The following EYS variants were observed in gnomAD, a reference collection of about 807,000 sequenced individuals.
EYS encodes the protein protein eyes shut homolog.
EYS carries 250 observed loss-of-function variants against 282.1 expected under a neutral mutation model. The observed-to-expected ratio is 0.89, with a 90% CI of 0.80 to 0.98. EYS has a LOEUF of 0.98. Among genes scored for constraint, EYS ranks in the 50% least tolerant of loss-of-function variants. The pLI is 0.00. For missense variants in EYS, 4,016 were observed against 3,709.0 expected, an observed-to-expected ratio of 1.08 and a Z score of -2.15; for synonymous variants, 1,355 against 1,282.9, an observed-to-expected ratio of 1.06 and a Z score of -1.20.
intron 2 of EYS, among the ~76,000 whole-genome samples, chr6:65,609,335 C>G (rs1228708475): frequency 2.0e-5 from 1 of 49,514 alleles, no homozygotes; most frequent in Non-Finnish European, 3.9e-5. Flanking sequence ...TCCAAGATAG[C>G]CAAAAAAAAA....
At chr6:64,270,274 ATG>A (rs981095882) in intron 30 of EYS, among the ~76,000 whole-genome samples, 2 of 152,028 alleles carry the variant, frequency 1.3e-5, no homozygotes, top group African/African-American at 4.8e-5. Context: ...TGACTTTCAC[ATG>A]TGTCATCACA....
At chr6:65,209,457 G>A (rs1766118686) in intron 12 of EYS, among the ~76,000 whole-genome samples, 5 of 151,628 alleles carry the variant, frequency 3.3e-5, no homozygotes, top group African/African-American at 1.2e-4. Context: ...ACTTAATATA[G>A]AGTAATATAA....
intron 12 of EYS, among the ~76,000 whole-genome samples, chr6:65,085,073 G>C (rs1301399889): frequency 6.6e-6 from 1 of 152,144 alleles, no homozygotes; most frequent in Non-Finnish European, 1.5e-5. Flanking sequence ...GTCATTAGAT[G>C]TCTCAACTGG....
chr6:65,645,156 G>A (rs1767408990), intron 1 of EYS, among the ~76,000 whole-genome samples: 1 of 151,780 alleles, frequency 6.6e-6, no homozygotes, highest in Admixed American at 6.6e-5. Context: ...AGAAACAATG[G>A]ACTTAGACTA....
intron 35 of EYS, among the ~76,000 whole-genome samples, chr6:63,972,238 A>C (rs1313659121): frequency 6.6e-6 from 1 of 152,210 alleles, no homozygotes; most frequent in African/African-American, 2.4e-5. Context: ...GTGACATTTT[A>C]TGAATTTGTC....
chr6:65,137,984 C>A (rs1776071128), intron 12 of EYS, among the ~76,000 whole-genome samples: 1 of 151,598 alleles, frequency 6.6e-6, no homozygotes, highest in South Asian at 2.1e-4. Flanking sequence ...GATTATAATG[C>A]CTAAATAAAA....
chr6:64,181,562 A>C (rs1764788469), intron 31 of EYS, among the ~76,000 whole-genome samples: 1 of 152,098 alleles, frequency 6.6e-6, no homozygotes, highest in South Asian at 2.1e-4. Flanking sequence ...GGAGTAATGC[A>C]AATGAATCAC....
chr6:64,714,653 G>C (rs1467172518), intron 22 of EYS, among the ~76,000 whole-genome samples: 2 of 151,732 alleles, frequency 1.3e-5, no homozygotes, highest in Non-Finnish European at 2.9e-5. Flanking sequence ...AGCCTCTGGA[G>C]TAGCTGGGAC....
At chr6:64,475,195 T>C (rs1024535972) in intron 26 of EYS, among the ~76,000 whole-genome samples, 4 of 152,202 alleles carry the variant, frequency 2.6e-5, no homozygotes, top group African/African-American at 9.6e-5. Context: ...TCATACACTG[T>C]ATTTCTGCCT....
At chr6:64,943,208 A>G (rs1486283981) in intron 15 of EYS, among the ~76,000 whole-genome samples, 1 of 152,072 alleles carries the variant, frequency 6.6e-6, no homozygotes, top group Non-Finnish European at 1.5e-5. Flanking sequence ...CATATCTCAA[A>G]ATAATAAGAG....
At position 65,327,167 on chromosome 6, in the gene EYS, A is replaced by G. The variant is rs901784769; in HGVS notation, c.1766+7813T>C. 5.7e-4 allele frequency among the ~76,000 whole-genome samples: 86 copies of G among 151,752 alleles called. 1 individual carries two copies. Among genetic ancestry groups the G allele is most frequent in the African/African-American group, 2.0e-3 (84 of 41,528 alleles). ...CTTTTTATCTGGTTTAACACTTTCT[A>G]TCCTAAATTCCACCTTGATATATCA... is the stretch of plus-strand genomic sequence containing the variant. On this transcript the variant is annotated intron_variant, in intron 11 of 42. Transcript: ENST00000503581.
chr6:65,085,157 T>C (rs544198482), intron 12 of EYS, among the ~76,000 whole-genome samples: 42 of 152,100 alleles, frequency 2.8e-4, no homozygotes, highest in African/African-American at 8.2e-4. Context: ...AGGTGAAGAG[T>C]AAAACTAAGA....
rs369377698 is a variant in EYS, at chr6:64,862,344, T to C, written c.2992+24353A>G. ...GGTTTGTCTTGTCACCTCAATTATCTGGTGGACTTCAGTTGTTTTTCAGCT... is the reference window on the plus strand; with the variant it reads ...GGTTTGTCTTGTCACCTCAATTATCCGGTGGACTTCAGTTGTTTTTCAGCT... On this transcript the variant is annotated intron_variant, in intron 19 of 42. Coordinates refer to ENST00000503581, the MANE Select transcript of EYS (RefSeq NM_001142800.2). Among the ~76,000 whole-genome samples the C allele has an allele frequency of 1.7e-3, 263 of 152,358 alleles. 1 individual carries two copies. Among genetic ancestry groups the C allele is most frequent in the African/African-American group, 6.1e-3 (252 of 41,598 alleles).
chr6:64,399,737 C>T (rs1773486486), intron 28 of EYS, among the ~76,000 whole-genome samples: 1 of 151,810 alleles, frequency 6.6e-6, no homozygotes, highest in Non-Finnish European at 1.5e-5. Flanking sequence ...AAGACCCTGA[C>T]TGAAATTTTG....
At position 63,721,797 on chromosome 6, in the gene EYS, C is replaced by T; in HGVS notation, c.8234G>A (p.Gly2745Asp). The T allele has an allele frequency of 6.5e-7, 1 of 1,538,690 alleles. No homozygotes were observed. Among genetic ancestry groups the T allele is most frequent in the Non-Finnish European group, 8.8e-7 (1 of 1,140,762 alleles). ...TACTAAAGAGATGCATAAAAAATCA[C>T]CTGCAAGAAAGCAAACAGTAAGTTT... ...YAAQHLKAQS[G>D]DFLCISLVNS... The change falls in exon 43 of 43, where the codon GGT becomes GAT. Residue 2745 changes from glycine to aspartate, a missense_variant and splice_region_variant. Coordinates refer to ENST00000503581, the MANE Select transcript of EYS (RefSeq NM_001142800.2).
rs1273610175 is a variant in EYS, at chr6:64,591,960, C to T, written c.3907G>A (p.Asp1303Asn). 28 of 1,510,012 alleles carry T rather than the reference C, an allele frequency of 1.9e-5. No individual in the cohort carries two copies. The highest frequency in any genetic ancestry group is 2.8e-5 in the African/African-American group (2 of 71,552). 93.5% of individuals were successfully genotyped at this position (1,510,012 alleles called of 1,614,324 possible). A position where few individuals can be genotyped will look rare whatever the true frequency, so the allele number is the denominator to read the frequency against. The change falls in exon 26 of 43, where the codon GAC becomes AAC. Residue 1303 changes from aspartate (D) to asparagine (N), a missense_variant. Coordinates refer to ENST00000503581, the MANE Select transcript of EYS (RefSeq NM_001142800.2). Reference protein sequence around the residue: ...GPKQTGIVKHDILPTTGLATL... With the variant: ...GPKQTGIVKHNILPTTGLATL... ...GCCAAACCAGTGGTTGGGAGAATGT[C>T]GTGCTTGACAATGCCTGTCTGTTTT...
chr6:65,535,331 A>T (rs1187291347), intron 2 of EYS, among the ~76,000 whole-genome samples: 1 of 152,040 alleles, frequency 6.6e-6, no homozygotes, highest in East Asian at 1.9e-4. Flanking sequence ...GGAGGAACCC[A>T]GTGGGAGGTA....
intron 33 of EYS, among the ~76,000 whole-genome samples, chr6:64,029,553 C>A (rs1052785776): frequency 2.6e-5 from 4 of 152,174 alleles, no homozygotes; most frequent in Non-Finnish European, 5.9e-5. Flanking sequence ...CACTTTTCTC[C>A]CAGAGGATGG....
Position 64,079,875 on chromosome 6 carries a change from A to G in EYS, c.6571+1981T>C, listed in dbSNP as rs564809608. On this transcript the variant is annotated intron_variant, in intron 32 of 42. Coordinates refer to ENST00000503581, the MANE Select transcript of EYS (RefSeq NM_001142800.2). ...AGAAGGATGGTTTCCAGCTTCATCC[A>G]TGTCCCAACAAAGGACATGAACTCA... is the stretch of plus-strand genomic sequence containing the variant. Among the ~76,000 whole-genome samples, 501 of 152,294 alleles carry G rather than the reference A, an allele frequency of 3.3e-3. 1 individual carries two copies. Among genetic ancestry groups the G allele is most frequent in the Non-Finnish European group, 4.3e-3 (294 of 68,030 alleles).
Sources: gnomAD v4.1 joint callset for allele counts (sites outside exome capture counted in the v4.1 genomes callset) on GRCh38, gnomAD v4.1.1 for gene constraint, MANE v1.5 for transcripts, NCBI Gene and HGNC (gene_info 2026-07-23, HGNC 2026-07-21) for gene names.